The following SEMA5A variants were observed in gnomAD, a reference collection of about 807,000 sequenced individuals.
The protein encoded by SEMA5A is semaphorin-5A.
In SEMA5A, 55 loss-of-function variants were observed where a neutral mutation model predicts 135.5. That is an observed-to-expected ratio of 0.41 (90% CI 0.33 to 0.51). The LOEUF is 0.51. Ranked by LOEUF, SEMA5A falls within the 20% of genes least tolerant of loss-of-function variation. The pLI is 0.37. For missense variants in SEMA5A, 1,290 were observed against 1,419.9 expected (o/e 0.91, Z 1.47); for synonymous variants, 580 against 546.5 (o/e 1.06, Z -0.85).
At chr5:9,141,718 T>C (rs1252681671) in intron 12 of SEMA5A, among the ~76,000 whole-genome samples, 1 of 152,154 alleles carries the variant, frequency 6.6e-6, no homozygotes, top group African/African-American at 2.4e-5. Context: ...ATTTTAAAAA[T>C]TTGCAATTAC....
chr5:9,320,290 C>T (rs549373389), intron 4 of SEMA5A, among the ~76,000 whole-genome samples: 2 of 152,310 alleles, frequency 1.3e-5, no homozygotes, highest in South Asian at 2.1e-4. Context: ...AGGAAACATT[C>T]CCCTGTCCTT....
intron 12 of SEMA5A, among the ~76,000 whole-genome samples, chr5:9,149,368 G>T (rs890171350): frequency 6.6e-6 from 1 of 152,352 alleles, no homozygotes; most frequent in Middle Eastern, 3.4e-3. Flanking sequence ...TCAGGGCCAG[G>T]TGCGGTGGCC....
At chr5:9,396,561 T>G (rs1225546740) in intron 2 of SEMA5A, among the ~76,000 whole-genome samples, 1 of 151,990 alleles carries the variant, frequency 6.6e-6, no homozygotes, top group Non-Finnish European at 1.5e-5. Flanking sequence ...TTTATCAAAT[T>G]CTCACCCAAT....
At chr5:9,304,525 A>ATAG (rs1751768775) in intron 5 of SEMA5A, among the ~76,000 whole-genome samples, 1 of 114,538 alleles carries the variant, frequency 8.7e-6, no homozygotes, top group African/African-American at 2.8e-5. Flanking sequence ...TAAAATAATA[A>ATAG]AGAAAGCCCT....
At chr5:9,237,168 C>T (rs142273820) in intron 6 of SEMA5A, among the ~76,000 whole-genome samples, 1 of 152,052 alleles carries the variant, frequency 6.6e-6, no homozygotes, top group Admixed American at 6.6e-5. Context: ...TGAGCCTGTT[C>T]ACAAGCTGCA....
chr5:9,318,998 A>C (rs1447143105), intron 4 of SEMA5A, among the ~76,000 whole-genome samples: 1 of 152,156 alleles, frequency 6.6e-6, no homozygotes, highest in Non-Finnish European at 1.5e-5. Flanking sequence ...TGAGAGGCAG[A>C]GGTTGCCAGG....
intron 5 of SEMA5A, among the ~76,000 whole-genome samples, chr5:9,253,228 C>A (rs1459978267): frequency 6.6e-6 from 1 of 152,160 alleles, no homozygotes; most frequent in African/African-American, 2.4e-5. Flanking sequence ...ATGCTTCAAG[C>A]TCTTATTAGG....
intron 16 of SEMA5A, among the ~76,000 whole-genome samples, chr5:9,078,837 T>TA (rs1047293552): frequency 1.5e-4 from 23 of 152,214 alleles, no homozygotes; most frequent in Non-Finnish European, 2.8e-4. Context: ...ATCTCATTGA[T>TA]AAAAATTTAT....
At chr5:9,048,947 C>A (rs1736414239) in intron 21 of SEMA5A, among the ~76,000 whole-genome samples, 1 of 152,180 alleles carries the variant, frequency 6.6e-6, no homozygotes, top group African/African-American at 2.4e-5. Flanking sequence ...CATTGCCCTT[C>A]TGAGGCACTG....
intron 10 of SEMA5A, among the ~76,000 whole-genome samples, chr5:9,193,888 C>T (rs575354175): frequency 1.3e-3 from 196 of 151,706 alleles, no homozygotes; most frequent in Non-Finnish European, 1.9e-3. Context: ...CAGAGCAAGA[C>T]TCTGTCTCAA....
intron 3 of SEMA5A, among the ~76,000 whole-genome samples, chr5:9,362,314 C>T (rs1482691137): frequency 6.6e-6 from 1 of 152,092 alleles, no homozygotes; most frequent in Non-Finnish European, 1.5e-5. Context: ...ATTTCTGTCC[C>T]CTGGAACTGT....
At chr5:9,445,305 A>G (rs1758390668) in intron 1 of SEMA5A, among the ~76,000 whole-genome samples, 1 of 152,144 alleles carries the variant, frequency 6.6e-6, no homozygotes, top group Admixed American at 6.5e-5. Flanking sequence ...TGATCTAGAA[A>G]TAATTCCACA....
At chr5:9,515,024 C>A (rs751103244) in intron 1 of SEMA5A, among the ~76,000 whole-genome samples, 6 of 152,168 alleles carry the variant, frequency 3.9e-5, no homozygotes, top group African/African-American at 1.4e-4. Context: ...ACACTTAAAT[C>A]GTATTTTCAT....
At chr5:9,145,980 T>C (rs956357735) in intron 12 of SEMA5A, among the ~76,000 whole-genome samples, 1 of 152,144 alleles carries the variant, frequency 6.6e-6, no homozygotes, top group Non-Finnish European at 1.5e-5. Flanking sequence ...ATCCTTTAGT[T>C]GTGTTTCTCA....
At chr5:9,255,019 T>A (rs1015505907) in intron 5 of SEMA5A, among the ~76,000 whole-genome samples, 1 of 152,154 alleles carries the variant, frequency 6.6e-6, no homozygotes, top group African/African-American at 2.4e-5. Context: ...AGCAAAGGCA[T>A]CCATTGCTCT....
At chr5:9,118,957 AGCGTGAGGCTG>A (rs1353880957) in intron 15 of SEMA5A, 30 bp downstream of exon 15, 18 of 1,602,718 alleles carry the variant, frequency 1.1e-5, no homozygotes, top group Non-Finnish European at 1.5e-5. Context: ...AATGAGAGTA[AGCGTGAGGCTG>A]GCGGTGCTGG....
intron 15 of SEMA5A, among the ~76,000 whole-genome samples, chr5:9,113,044 C>A (rs1305521199): frequency 2.0e-5 from 3 of 152,172 alleles, no homozygotes; most frequent in Non-Finnish European, 4.4e-5. Flanking sequence ...ATCTTGGAGG[C>A]AGGTCTTTCT....
At chr5:9,416,176 C>A (rs1009777746) in intron 2 of SEMA5A, among the ~76,000 whole-genome samples, 1 of 152,190 alleles carries the variant, frequency 6.6e-6, no homozygotes, top group African/African-American at 2.4e-5. Context: ...GATAAACTGA[C>A]TCTCAATTCC....
At chr5:9,451,310 C>T (rs1225317279) in intron 1 of SEMA5A, among the ~76,000 whole-genome samples, 1 of 152,168 alleles carries the variant, frequency 6.6e-6, no homozygotes, top group Non-Finnish European at 1.5e-5. Flanking sequence ...AAACAACAAA[C>T]AAGACTCCTC....
Sources: allele counts gnomAD v4.1 joint callset (sites outside exome capture counted in the v4.1 genomes callset), GRCh38; gene constraint gnomAD v4.1.1; transcripts MANE v1.5; gene names NCBI Gene and HGNC (gene_info 2026-07-23, HGNC 2026-07-21).